CATSPERE: variants seen among roughly 807,000 people sequenced by gnomAD.
CATSPERE encodes the protein cation channel sperm-associated auxiliary subunit epsilon.
Under a neutral mutation model 114.1 loss-of-function variants are expected in CATSPERE, and 93 were observed. The ratio of observed to expected loss-of-function variants is 0.81; its 90% confidence interval spans 0.69 to 0.97. CATSPERE has a LOEUF of 0.97. CATSPERE is among the 50% of genes least tolerant of loss of function. The pLI is 0.00. For synonymous variants in CATSPERE, 341 were observed against 384.1 expected (o/e 0.89, Z 1.31); for missense variants, 1,058 against 1,131.6 (o/e 0.93, Z 0.93).
chr1:244,501,742 A>T (rs1674066535), intron 7 of CATSPERE, among the ~76,000 whole-genome samples: 1 of 152,238 alleles, frequency 6.6e-6, no homozygotes, highest in Non-Finnish European at 1.5e-5. Flanking sequence ...TTTCATCTGC[A>T]CATTTATCCA....
intron 8 of CATSPERE, among the ~76,000 whole-genome samples, chr1:244,547,642 G>A (rs1659959252): frequency 6.6e-6 from 1 of 152,136 alleles, no homozygotes; most frequent in Admixed American, 6.6e-5. Flanking sequence ...AAGATGTTAT[G>A]TGTAAGCCTC....
chr1:244,573,793 C>T lies in CATSPERE; in HGVS notation c.1950+1021C>T, dbSNP rs866789171. Among the ~76,000 whole-genome samples, 30 of 152,144 alleles carry T rather than the reference C, an allele frequency of 2.0e-4. No individual in the cohort carries two copies. The highest frequency in any genetic ancestry group is 6.3e-4 in the African/African-American group (26 of 41,416). Reference sequence around the variant, plus strand: ...GAGAAATAGCAAGTTACACTGCATACGGGACATGCATATGGGAATGGGAAA... The same window carrying T: ...GAGAAATAGCAAGTTACACTGCATATGGGACATGCATATGGGAATGGGAAA... On this transcript the variant is annotated intron_variant, in intron 11 of 21. Coordinates refer to ENST00000366534, the MANE Select transcript of CATSPERE (RefSeq NM_001130957.2). This position sits in a 1 kb window ranked among gnomAD's most constrained non-coding sequence, Gnocchi z 4.0.
upstream of CATSPERE, among the ~76,000 whole-genome samples, chr1:244,459,764 A>G (rs1666493542): frequency 6.6e-6 from 1 of 152,188 alleles, no homozygotes. Flanking sequence ...CTCATTATTT[A>G]CCTTATAGCA....
intron 8 of CATSPERE, among the ~76,000 whole-genome samples, chr1:244,546,006 G>A (rs1659694748): frequency 6.6e-6 from 1 of 152,194 alleles, no homozygotes; most frequent in Admixed American, 6.5e-5. Flanking sequence ...CCAAAAAGTG[G>A]ACAGCTATAG....
chr1:244,577,632 C>T (rs1665487043), intron 11 of CATSPERE, among the ~76,000 whole-genome samples: 1 of 152,186 alleles, frequency 6.6e-6, no homozygotes. Context: ...AGGCCACTCT[C>T]AGAGGCCTCT....
Position 244,461,398 on chromosome 1 carries a change from C to A in CATSPERE, c.-32C>A. 2.2e-6 allele frequency: 3 copies of A among 1,347,620 alleles called. No individual in the cohort carries two copies. Among genetic ancestry groups the A allele is most frequent in the South Asian group, 2.0e-5 (1 of 50,468 alleles). 83.5% of individuals were successfully genotyped at this position (1,347,620 alleles called of 1,614,324 possible). ...TGCGCGAGGCCTGGACGGGAGTGGC[C>A]GAGGCGGTTGGGCGGAGGCGGAGCA... On this transcript the variant is annotated 5_prime_UTR_variant, in exon 1 of 22. Coordinates refer to ENST00000366534, the MANE Select transcript of CATSPERE (RefSeq NM_001130957.2).
intron 21 of CATSPERE, among the ~76,000 whole-genome samples, chr1:244,637,041 G>C (rs1054004709): frequency 4.0e-5 from 6 of 151,696 alleles, no homozygotes; most frequent in Admixed American, 3.9e-4. Flanking sequence ...CTCTCCTTGG[G>C]GAAACCAGAC....
At chr1:244,621,681 T>G (rs1221284778) in intron 20 of CATSPERE, among the ~76,000 whole-genome samples, 1 of 151,970 alleles carries the variant, frequency 6.6e-6, no homozygotes, top group Non-Finnish European at 1.5e-5. Context: ...ATACAAAATA[T>G]CTTAGCTTAA....
chr1:244,464,928 G>T (rs1667366733), intron 2 of CATSPERE, among the ~76,000 whole-genome samples: 1 of 146,582 alleles, frequency 6.8e-6, no homozygotes, highest in South Asian at 2.1e-4. Flanking sequence ...GTTATCTCAA[G>T]TTTCTGTTAA....
At chr1:244,628,158 G>C (rs1673449253) in intron 20 of CATSPERE, among the ~76,000 whole-genome samples, 1 of 152,094 alleles carries the variant, frequency 6.6e-6, no homozygotes, top group Admixed American at 6.6e-5. Context: ...AGCTCTTACT[G>C]TGCCTCATTT....
chr1:244,620,148 G>C (rs561187795), intron 20 of CATSPERE, among the ~76,000 whole-genome samples: 1 of 152,322 alleles, frequency 6.6e-6, no homozygotes, highest in East Asian at 1.9e-4. Flanking sequence ...CGTAAAAGGT[G>C]TCATGCTAGA....
At chr1:244,509,956 G>A (rs1675432711) in intron 7 of CATSPERE, among the ~76,000 whole-genome samples, 1 of 152,016 alleles carries the variant, frequency 6.6e-6, no homozygotes, top group Admixed American at 6.6e-5. Flanking sequence ...ATTTTATCGA[G>A]TCTTCTCTCT....
intron 6 of CATSPERE, among the ~76,000 whole-genome samples, chr1:244,493,787 G>A (rs1294161637): frequency 1.3e-5 from 2 of 152,244 alleles, no homozygotes; most frequent in South Asian, 2.1e-4. Context: ...AAAAGTGGGT[G>A]AAGGATATGA....
rs574852311 is a variant in CATSPERE, at chr1:244,488,556, C to T, written c.327-1891C>T. Among the ~76,000 whole-genome samples, 5 of 152,336 alleles carry T rather than the reference C, an allele frequency of 3.3e-5. No individual in the cohort carries two copies. In the South Asian group the frequency reaches 1.0e-3, roughly 32 times the overall value. On this transcript the variant is annotated intron_variant, in intron 5 of 21. Coordinates refer to ENST00000366534, the MANE Select transcript of CATSPERE (RefSeq NM_001130957.2). ...TATTGTCTTTCCATGGAAATTCAGA[C>T]TGTCACTTTAATGTCAGCTGATACT...
chr1:244,546,017 G>A (rs1375123087), intron 8 of CATSPERE, among the ~76,000 whole-genome samples: 2 of 152,200 alleles, frequency 1.3e-5, no homozygotes, highest in Non-Finnish European at 2.9e-5. Flanking sequence ...ACAGCTATAG[G>A]AACATAGACC....
chr1:244,634,554 G>A (rs1196325383), intron 20 of CATSPERE, among the ~76,000 whole-genome samples: 1 of 152,198 alleles, frequency 6.6e-6, no homozygotes, highest in African/African-American at 2.4e-5. Context: ...GAGACATTCT[G>A]TAATATTAGA....
At chr1:244,452,113 C>T (rs1665656488), upstream of CATSPERE, 1 of 257,432 alleles carries the variant, frequency 3.9e-6, no homozygotes, top group Non-Finnish European at 7.4e-6. Flanking sequence ...GCCCCTTCCG[C>T]GGCCTGGCGC....
rs1319077944 is a variant in CATSPERE, at chr1:244,591,664, T to C, written c.2139-17T>C. ...AAGAAATGATATTTCAACTTCATTA[T>C]GTTTTGTCTTTTGTAGATTTAGTAA... is the stretch of plus-strand genomic sequence containing the variant. On this transcript the variant is annotated splice_polypyrimidine_tract_variant and intron_variant, in intron 14 of 21. Transcript: ENST00000366534. 1.9e-5 allele frequency: 27 copies of C among 1,417,452 alleles called. No homozygotes were observed. The highest frequency in any genetic ancestry group is 2.7e-5 in the Non-Finnish European group (27 of 1,018,064). 87.8% of individuals were successfully genotyped at this position (1,417,452 alleles called of 1,614,324 possible). A position where few individuals can be genotyped will look rare whatever the true frequency, so the allele number is the denominator to read the frequency against.
At chr1:244,585,181 C>G (rs1196202807) in intron 13 of CATSPERE, among the ~76,000 whole-genome samples, 1 of 152,150 alleles carries the variant, frequency 6.6e-6, no homozygotes, top group South Asian at 2.1e-4. Context: ...CTTGGGTAGG[C>G]TACTTACTCT....
Sources: gnomAD v4.1 joint callset for allele counts (sites outside exome capture counted in the v4.1 genomes callset) on GRCh38, gnomAD v4.1.1 for gene constraint, Gnocchi (gnomAD v3.1) non-coding constraint, MANE v1.5 for transcripts, NCBI Gene and HGNC (gene_info 2026-07-23, HGNC 2026-07-21) for gene names.